LPP: variants seen among roughly 807,000 people sequenced by gnomAD.
LPP encodes the protein LIM domain containing preferred translocation partner in lipoma.
A neutral mutation model predicts 60.4 loss-of-function variants in LPP; 38 were observed. The observed-to-expected ratio is 0.63, with a 90% CI of 0.49 to 0.83. The LOEUF is 0.83. Among genes scored for constraint, LPP ranks in the 40% least tolerant of loss-of-function variants. The probability of loss-of-function intolerance (pLI) is 0.00; values close to 1 mark genes in which losing one functional copy is unlikely to be tolerated. For synonymous variants in LPP, 328 were observed against 290.8 expected, an observed-to-expected ratio of 1.13 and a Z score of -1.30; for missense variants, 902 against 783.6, an observed-to-expected ratio of 1.15 and a Z score of -1.80.
At chr3:188,241,336 G>A (rs1358381000) in intron 2 of LPP, among the ~76,000 whole-genome samples, 1 of 152,220 alleles carries the variant, frequency 6.6e-6, no homozygotes. Context: ...GTGCTGGACA[G>A]CCCCAGACAC....
At chr3:188,422,307 A>AAATACTAT (rs1284879109) in intron 4 of LPP, among the ~76,000 whole-genome samples, 6 of 152,164 alleles carry the variant, frequency 3.9e-5, no homozygotes, top group Non-Finnish European at 8.8e-5. Context: ...AAACAACCTC[A>AAATACTAT]AATACTATAA....
chr3:188,633,110 A>T (rs1378122434), intron 7 of LPP, among the ~76,000 whole-genome samples: 2 of 152,228 alleles, frequency 1.3e-5, no homozygotes, highest in Non-Finnish European at 2.9e-5. Context: ...CTTCCAAGTC[A>T]TATAGATGTG....
At chr3:188,305,176 C>A (rs1238753119) in intron 2 of LPP, among the ~76,000 whole-genome samples, 1 of 152,170 alleles carries the variant, frequency 6.6e-6, no homozygotes, top group East Asian at 1.9e-4. Flanking sequence ...TCTCTATATA[C>A]CCACAAAGCC....
At chr3:188,708,436 T>A in intron 8 of LPP, 43 bp downstream of exon 8, 1 of 1,613,950 alleles carries the variant, frequency 6.2e-7, no homozygotes, top group Non-Finnish European at 8.5e-7. Flanking sequence ...ACTATCTTGC[T>A]CTGATTTCCT....
At chr3:188,779,302 T>C (rs1738840383) in intron 9 of LPP, among the ~76,000 whole-genome samples, 2 of 152,104 alleles carry the variant, frequency 1.3e-5, no homozygotes, top group Admixed American at 1.3e-4. Flanking sequence ...GTAAAGTGGA[T>C]GCTATGGACC....
intron 7 of LPP, among the ~76,000 whole-genome samples, chr3:188,685,562 C>G (rs1366619466): frequency 6.6e-6 from 1 of 152,142 alleles, no homozygotes; most frequent in Non-Finnish European, 1.5e-5. Context: ...TAGGCAATTA[C>G]GGGTCCGGGA....
chr3:188,244,122 C>T (rs1045403648), intron 2 of LPP, among the ~76,000 whole-genome samples: 1 of 152,136 alleles, frequency 6.6e-6, no homozygotes, highest in Non-Finnish European at 1.5e-5. Context: ...CTGCCTGCCT[C>T]GGCCTGCCAA....
intron 3 of LPP, among the ~76,000 whole-genome samples, chr3:188,358,355 G>A (rs1205706303): frequency 1.3e-5 from 2 of 152,202 alleles, no homozygotes; most frequent in Admixed American, 1.3e-4. Context: ...CTACTTTCCT[G>A]TACGTTGTGA....
At chr3:188,348,132 C>T (rs1013839979) in intron 3 of LPP, among the ~76,000 whole-genome samples, 1 of 151,880 alleles carries the variant, frequency 6.6e-6, no homozygotes, top group Non-Finnish European at 1.5e-5. Flanking sequence ...AGAAACCATA[C>T]CCTTTTTCTT....
chr3:188,373,885 T>G (rs925049044), intron 3 of LPP, among the ~76,000 whole-genome samples: 2 of 152,126 alleles, frequency 1.3e-5, no homozygotes, highest in African/African-American at 4.8e-5. Context: ...AATTTTTGTA[T>G]AAGGTGTAAG....
At chr3:188,441,469 C>T (rs377611711) in intron 4 of LPP, among the ~76,000 whole-genome samples, 5 of 151,906 alleles carry the variant, frequency 3.3e-5, no homozygotes, top group African/African-American at 9.7e-5. Context: ...GACCCCAATT[C>T]GTAGTTTCTT....
chr3:188,159,906 T>C (rs1717684828), intron 1 of LPP, among the ~76,000 whole-genome samples: 1 of 82,472 alleles, frequency 1.2e-5, no homozygotes, highest in African/African-American at 3.7e-5. Context: ...TATTTTTTTG[T>C]TTGTTTGTTT....
At chr3:188,364,458 T>A (rs1465136454) in intron 3 of LPP, among the ~76,000 whole-genome samples, 1 of 152,240 alleles carries the variant, frequency 6.6e-6, no homozygotes, top group Non-Finnish European at 1.5e-5. Flanking sequence ...GTTTCCTTTC[T>A]GGGAGAATGG....
intron 2 of LPP, among the ~76,000 whole-genome samples, chr3:188,283,526 C>G (rs1394767126): frequency 6.6e-6 from 1 of 152,124 alleles, no homozygotes; most frequent in Non-Finnish European, 1.5e-5. Flanking sequence ...TGCGAAACAC[C>G]TTTTTCTGAC....
At chr3:188,624,962 C>G (rs926115163) in intron 7 of LPP, among the ~76,000 whole-genome samples, 1 of 151,730 alleles carries the variant, frequency 6.6e-6, no homozygotes, top group African/African-American at 2.4e-5. Flanking sequence ...TTTTTAACCA[C>G]ATGATTTCTA....
chr3:188,545,330 T>C (rs577724320), intron 6 of LPP, among the ~76,000 whole-genome samples: 2 of 151,894 alleles, frequency 1.3e-5, no homozygotes, highest in South Asian at 2.1e-4. Context: ...AAAGTAAGCT[T>C]TGTTTAAATT....
chr3:188,282,916 T>C (rs1300088352), intron 2 of LPP, among the ~76,000 whole-genome samples: 1 of 152,190 alleles, frequency 6.6e-6, no homozygotes, highest in Non-Finnish European at 1.5e-5. Flanking sequence ...CTCTGATCCT[T>C]TGGAGGCTAG....
At chr3:188,768,863 G>A (rs1289417876) in intron 9 of LPP, among the ~76,000 whole-genome samples, 2 of 152,040 alleles carry the variant, frequency 1.3e-5, no homozygotes, top group African/African-American at 4.8e-5. Context: ...TTAGCACATA[G>A]TGTTTCTTAA....
At chr3:188,778,208 AT>A (rs1297547233) in intron 9 of LPP, among the ~76,000 whole-genome samples, 2 of 152,150 alleles carry the variant, frequency 1.3e-5, no homozygotes, top group Non-Finnish European at 2.9e-5. Flanking sequence ...TAATGGAGAA[AT>A]TTTTTTCTCA....
Sources: gnomAD v4.1 joint callset for allele counts (sites outside exome capture counted in the v4.1 genomes callset) on GRCh38, gnomAD v4.1.1 for gene constraint, MANE v1.5 for transcripts, NCBI Gene and HGNC (gene_info 2026-07-23, HGNC 2026-07-21) for gene names.